Variants in PRELID2 observed in about 807,000 individuals in gnomAD.
The protein encoded by PRELID2 is PRELI domain containing 2.
In PRELID2, 25 loss-of-function variants were observed where a neutral mutation model predicts 28.4. The observed-to-expected ratio is 0.88, with a 90% CI of 0.64 to 1.23. The LOEUF is 1.23. Among genes scored for constraint, PRELID2 ranks in the 50% most tolerant of loss-of-function variants. PRELID2 has a pLI of 0.00. For synonymous variants in PRELID2, 76 were observed against 71.6 expected (o/e 1.06, Z -0.31); for missense variants, 201 against 214.4 (o/e 0.94, Z 0.39).
At chr5:145,304,874 C>T in the PRELID2 span, among the ~76,000 whole-genome samples, 8 of 151,986 alleles carry the variant, frequency 5.3e-5, no homozygotes, top group African/African-American at 1.4e-4. Flanking sequence ...GTTATATATG[C>T]ACACACACAT....
intron 1 of PRELID2, among the ~76,000 whole-genome samples, chr5:145,569,646 G>A (rs1338956443): frequency 6.6e-6 from 1 of 152,154 alleles, no homozygotes; most frequent in Non-Finnish European, 1.5e-5. Flanking sequence ...ATGACAGTTT[G>A]CAATTGTTTT....
chr5:145,347,499 A>T, the PRELID2 span, among the ~76,000 whole-genome samples: 1 of 152,080 alleles, frequency 6.6e-6, no homozygotes, highest in Non-Finnish European at 1.5e-5. Context: ...TCCTCTTTGG[A>T]TTTGATTCAA....
chr5:145,297,731 G>T, the PRELID2 span, among the ~76,000 whole-genome samples: 14 of 152,082 alleles, frequency 9.2e-5, no homozygotes, highest in African/African-American at 3.4e-4. Flanking sequence ...CATCGTCTCA[G>T]CCCAAAATCT....
the PRELID2 span, chr5:145,229,964 T>C: frequency 1.3e-6 from 1 of 744,716 alleles, no homozygotes; most frequent in South Asian, 1.4e-5. Flanking sequence ...AGGGTGATTA[T>C]GAGCCGATTG....
downstream of PRELID2, among the ~76,000 whole-genome samples, chr5:145,752,142 T>C (rs1757139631): frequency 6.6e-6 from 1 of 152,150 alleles, no homozygotes; most frequent in South Asian, 2.1e-4. Flanking sequence ...ACTAAATGTC[T>C]AGCTGACTCC....
intron 1 of PRELID2, among the ~76,000 whole-genome samples, chr5:145,827,426 A>G (rs1359305113): frequency 1.3e-5 from 2 of 152,206 alleles, no homozygotes; most frequent in Non-Finnish European, 2.9e-5. Context: ...TTTCAATAGG[A>G]TGATGAAATA....
At chr5:145,407,819 T>A in the PRELID2 span, among the ~76,000 whole-genome samples, 1 of 152,098 alleles carries the variant, frequency 6.6e-6, no homozygotes, top group Non-Finnish European at 1.5e-5. Context: ...CATGACAACT[T>A]CACTGCTACC....
chr5:145,460,139 G>C, the PRELID2 span, among the ~76,000 whole-genome samples: 2 of 152,184 alleles, frequency 1.3e-5, no homozygotes, highest in Admixed American at 6.5e-5. Context: ...AAATGACCAA[G>C]AGTTATCACA....
chr5:145,461,152 A>G, the PRELID2 span, among the ~76,000 whole-genome samples: 8 of 152,210 alleles, frequency 5.3e-5, no homozygotes, highest in African/African-American at 1.7e-4. Flanking sequence ...CCTATTTTCA[A>G]TCTGGCCTTA....
At chr5:145,419,999 A>C in the PRELID2 span, among the ~76,000 whole-genome samples, 1 of 151,926 alleles carries the variant, frequency 6.6e-6, no homozygotes, top group Non-Finnish European at 1.5e-5. Context: ...TCCTTTCCCC[A>C]TTGCTTGTTT....
At chr5:145,306,219 T>A in the PRELID2 span, among the ~76,000 whole-genome samples, 1 of 152,330 alleles carries the variant, frequency 6.6e-6, no homozygotes, top group South Asian at 2.1e-4. Context: ...AATAAATATA[T>A]TACTCAGGTT....
At chr5:145,598,413 G>A (rs1161048369) in intron 1 of PRELID2, among the ~76,000 whole-genome samples, 1 of 152,154 alleles carries the variant, frequency 6.6e-6, no homozygotes, top group Non-Finnish European at 1.5e-5. Flanking sequence ...TAGCATCTAT[G>A]TTTAGGATGA....
chr5:145,613,733 A>C (rs888177360), intron 1 of PRELID2, among the ~76,000 whole-genome samples: 1 of 152,102 alleles, frequency 6.6e-6, no homozygotes, highest in African/African-American at 2.4e-5. Flanking sequence ...TAGTCTTGTC[A>C]GATGTATATA....
At chr5:145,490,819 C>G (rs888808127) in intron 1 of PRELID2, among the ~76,000 whole-genome samples, 1 of 152,098 alleles carries the variant, frequency 6.6e-6, no homozygotes, top group Non-Finnish European at 1.5e-5. Context: ...TTATTTGACA[C>G]GAATTCTCCA....
chr5:145,540,542 G>A (rs750890295), intron 1 of PRELID2, among the ~76,000 whole-genome samples: 20 of 151,954 alleles, frequency 1.3e-4, no homozygotes, highest in African/African-American at 4.8e-4. Flanking sequence ...TAGGAAGTAC[G>A]AGTAACCAAA....
rs1000997010 is a variant in PRELID2 at position 145,496,757 on chromosome 5, A to C, written n.71-23442T>G. On this transcript the variant is annotated intron_variant and non_coding_transcript_variant, in intron 1 of 2. Transcript: ENST00000510259. Reference sequence around the variant, plus strand: ...GTGCCAAACCTACCTCGTGGTCTGAAAGTTCTTTCTTCCTACTCCTGTTCA... The same window carrying C: ...GTGCCAAACCTACCTCGTGGTCTGACAGTTCTTTCTTCCTACTCCTGTTCA... Among the ~76,000 whole-genome samples the C allele has an allele frequency of 1.1e-4, 16 of 151,862 alleles. No homozygotes were observed. The South Asian group carries it at 1.7e-3, about 16-fold the overall frequency.
At chr5:145,242,708 AC>A in the PRELID2 span, among the ~76,000 whole-genome samples, 2 of 152,124 alleles carry the variant, frequency 1.3e-5, no homozygotes, top group South Asian at 2.1e-4. Flanking sequence ...ATAGAAAAGA[AC>A]AACTAAATAA....
intron 5 of PRELID2, among the ~76,000 whole-genome samples, chr5:145,775,060 T>C (rs1758328428): frequency 6.6e-6 from 1 of 151,964 alleles, no homozygotes; most frequent in Non-Finnish European, 1.5e-5. Context: ...GCCAACATGG[T>C]GAAACCCCAT....
chr5:145,315,545 GGTGTGTGTGTGTGTGTGTGT>G, the PRELID2 span, among the ~76,000 whole-genome samples: 2 of 142,898 alleles, frequency 1.4e-5, no homozygotes, highest in East Asian at 2.1e-4. Context: ...GCTCTTTCAG[GGTGTGTGTGTGTGTGTGTGT>G]GTGTGTGTGT....
Sources: allele counts gnomAD v4.1 joint callset (sites outside exome capture counted in the v4.1 genomes callset), GRCh38; gene constraint gnomAD v4.1.1; transcripts MANE v1.5; gene names NCBI Gene and HGNC (gene_info 2026-07-23, HGNC 2026-07-21).